The following MEGF11 variants were observed in gnomAD, a reference collection of about 807,000 sequenced individuals.
MEGF11 encodes multiple epidermal growth factor-like domains protein 11.
A neutral mutation model predicts 146.6 loss-of-function variants in MEGF11; 126 were observed. That is an observed-to-expected ratio of 0.86 (90% CI 0.74 to 1.00). The LOEUF (loss-of-function observed/expected upper bound fraction) is 1.00. MEGF11 is among the 50% of genes least tolerant of loss of function. MEGF11 has a pLI of 0.00. For synonymous variants in MEGF11, 532 were observed against 583.4 expected (o/e 0.91, Z 1.27); for missense variants, 1,509 against 1,521.2 (o/e 0.99, Z 0.13).
chr15:65,898,092 G>T lies in MEGF11; in HGVS notation c.3265C>A (p.Pro1089Thr), dbSNP rs369413625. ...TSNKNIYEVE[P>T]TVSVVQEGCG... Reference sequence around the variant, plus strand: ...CCTTCTTGGACCACACTGACTGTGGGCTCTAAGAAATATAGTGAAAAATGA... The same window carrying T: ...CCTTCTTGGACCACACTGACTGTGGTCTCTAAGAAATATAGTGAAAAATGA... The change falls in exon 26 of 26, where the codon CCC becomes ACC. Residue 1089 changes from proline (P) to threonine (T), a missense_variant and splice_region_variant. Pro to Thr is a conservative substitution (Grantham distance 38). Transcript: ENST00000395614. 6.2e-7 allele frequency: 1 copy of T among 1,612,646 alleles called. No homozygotes were observed. The highest frequency in any genetic ancestry group is 2.2e-5 in the East Asian group (1 of 44,860).
chr15:66,050,211 C>G (rs1180169421), intron 5 of MEGF11, among the ~76,000 whole-genome samples: 1 of 152,176 alleles, frequency 6.6e-6, no homozygotes, highest in Admixed American at 6.5e-5. Context: ...AGGTGCACAT[C>G]AGCACACCTG....
chr15:66,243,131 C>T (rs1412153340), intron 1 of MEGF11, among the ~76,000 whole-genome samples: 1 of 152,252 alleles, frequency 6.6e-6, no homozygotes, highest in Non-Finnish European at 1.5e-5. Context: ...CACCGTGGCA[C>T]TCTGGGCAAG....
intron 5 of MEGF11, among the ~76,000 whole-genome samples, chr15:65,990,367 G>A (rs180795763): frequency 5.1e-4 from 78 of 152,180 alleles, no homozygotes; most frequent in African/African-American, 1.8e-3. Flanking sequence ...CCTGGGCAAC[G>A]TGGCAAAACC....
rs548664750 is a variant in MEGF11 at position 65,916,879 on chromosome 15, C to G, written c.2164G>C (p.Asp722His). The change falls in exon 17 of 26, where the codon GAC (aspartate) becomes CAC (histidine). Residue 722 changes from aspartate (D) to histidine (H), a missense_variant. Physicochemically the swap from Asp to His is moderately conservative, Grantham distance 81 (BLOSUM62 -1). Coordinates refer to ENST00000395614, the MANE Select transcript of MEGF11 (RefSeq NM_001385028.1). ...CHNGASCSAEDGACHCTPGWT... is the reference protein window; with the variant it reads ...CHNGASCSAEHGACHCTPGWT... ...CCAGGGGTGCAGTGGCAGGCCCCGT[C>G]CTCGGCGCTGCAGCTCGCCCCGTTG... 12 of 1,589,948 alleles carry G rather than the reference C, an allele frequency of 7.5e-6. No homozygotes were observed. The South Asian group carries it at 1.1e-4, about 15-fold the overall frequency.
chr15:66,111,562 C>A (rs1242109673), intron 4 of MEGF11, among the ~76,000 whole-genome samples: 1 of 152,184 alleles, frequency 6.6e-6, no homozygotes, highest in Admixed American at 6.5e-5. Context: ...ACAGCCACCA[C>A]CCCCCACCCC....
intron 1 of MEGF11, among the ~76,000 whole-genome samples, chr15:66,156,236 A>C (rs556823465): frequency 1.3e-5 from 2 of 152,154 alleles, no homozygotes; most frequent in African/African-American, 4.8e-5. Context: ...TGGCCCAGAC[A>C]CCTGCACTGC....
At chr15:66,135,112 A>G (rs1597114926) in intron 1 of MEGF11, among the ~76,000 whole-genome samples, 1 of 152,234 alleles carries the variant, frequency 6.6e-6, no homozygotes, top group Admixed American at 6.5e-5. Flanking sequence ...GTAAATGAGA[A>G]CGCAGGTAAC....
intron 5 of MEGF11, among the ~76,000 whole-genome samples, chr15:65,991,118 C>G (rs745678272): frequency 3.9e-5 from 6 of 152,206 alleles, no homozygotes; most frequent in Non-Finnish European, 8.8e-5. Flanking sequence ...TACTTAACCA[C>G]ACCGTCTATA....
intron 10 of MEGF11, among the ~76,000 whole-genome samples, chr15:65,934,342 C>T (rs1402675033): frequency 6.6e-6 from 1 of 152,216 alleles, no homozygotes; most frequent in African/African-American, 2.4e-5. Context: ...ACCTCCACCT[C>T]CCGGGTTCAA....
rs28691788 is a variant in MEGF11 at position 65,973,298 on chromosome 15, A to G, written c.763-2609T>C. On this transcript the variant is annotated intron_variant, in intron 7 of 25. Transcript: ENST00000395614. ...TAAAGAGTTCAGACTGGAACAGAAGAGACAGGCTTCTAAGAAACTTGCCTC... is the reference window on the plus strand; with the variant it reads ...TAAAGAGTTCAGACTGGAACAGAAGGGACAGGCTTCTAAGAAACTTGCCTC... Among the ~76,000 whole-genome samples the G allele has an allele frequency of 9.2e-3, 1,405 of 152,296 alleles. 21 individuals are homozygous for G. Among genetic ancestry groups the G allele is most frequent in the African/African-American group, 0.03 (1,259 of 41,546 alleles).
rs368486503 is a variant in MEGF11, at chr15:65,906,116, C to G, written c.3024G>C (p.Gln1008His). The change falls in exon 24 of 26, where the codon CAG becomes CAC. Residue 1008 changes from glutamine to histidine, a missense_variant. Gln to His is a conservative substitution (Grantham distance 24). Transcript: ENST00000395614. ...SPGACGMDRR[Q>H]NTYIMDKGFK... ...AGCCTTTGTCCATAATGTATGTGTT[C>G]TGACGTCTATCCATTCCACAAGCAC... The G allele has an allele frequency of 5.6e-6, 9 of 1,610,874 alleles. No homozygotes were observed. The Admixed American group carries it at 8.4e-5, about 15-fold the overall frequency.
intron 1 of MEGF11, among the ~76,000 whole-genome samples, chr15:66,236,002 A>G (rs1025801994): frequency 2.0e-5 from 3 of 152,222 alleles, no homozygotes; most frequent in South Asian, 4.1e-4. Context: ...TAATAAGCAC[A>G]GAGAGTCAGA....
chr15:66,124,113 C>T lies in MEGF11; in HGVS notation c.99-113G>A, dbSNP rs576078634. 9.9e-5 allele frequency: 82 copies of T among 828,426 alleles called. No homozygotes were observed. In the Admixed American group the frequency reaches 1.1e-3, roughly 11 times the overall value. The allele number at this position is 828,426 out of a possible 1,614,324, so 51.3% of individuals were successfully genotyped here. A position where few individuals can be genotyped will look rare whatever the true frequency, so the allele number is the denominator to read the frequency against. On this transcript the variant is annotated intron_variant, in intron 2 of 25. Transcript: ENST00000395614. The stretch of plus-strand genomic sequence containing the variant: ...AGGCCAAGCTCCACAGCCAAGTGTC[C>T]GGAGGCTCTGACCTCCCCCCTCCCA...
intron 1 of MEGF11, among the ~76,000 whole-genome samples, chr15:66,207,308 G>A (rs2091324465): frequency 6.6e-6 from 1 of 152,198 alleles, no homozygotes; most frequent in Non-Finnish European, 1.5e-5. Context: ...AGCAGCAAAA[G>A]AGAAGCAATT....
intron 1 of MEGF11, among the ~76,000 whole-genome samples, chr15:66,213,418 C>T (rs999253083): frequency 9.9e-5 from 15 of 152,138 alleles, no homozygotes; most frequent in African/African-American, 1.7e-4. Flanking sequence ...TTCTTCCAGA[C>T]GGTAAGGACA....
At chr15:66,211,385 A>G (rs552875488) in intron 1 of MEGF11, among the ~76,000 whole-genome samples, 102 of 152,156 alleles carry the variant, frequency 6.7e-4, no homozygotes, top group Admixed American at 4.6e-4. Context: ...TTAGCCGAGC[A>G]TGGTGGCAGG....
chr15:65,908,927 A>G (rs1333852708), intron 23 of MEGF11, 107 bp downstream of exon 23: 2 of 660,256 alleles, frequency 3.0e-6, no homozygotes, highest in African/African-American at 3.6e-5. Context: ...CTTAAAAGGG[A>G]GAGTTCTGGG....
At chr15:65,924,075 A>G (rs567329602) in intron 13 of MEGF11, among the ~76,000 whole-genome samples, 5 of 152,154 alleles carry the variant, frequency 3.3e-5, no homozygotes, top group African/African-American at 1.2e-4. Context: ...AAGGAGAAAG[A>G]CACTCATGCC....
At chr15:66,084,217 A>G (rs1246477629) in intron 5 of MEGF11, among the ~76,000 whole-genome samples, 2 of 152,190 alleles carry the variant, frequency 1.3e-5, no homozygotes, top group South Asian at 2.1e-4. Flanking sequence ...ACGGTATCTA[A>G]TAAGTGGTTA....
Sources: gnomAD v4.1 joint callset for allele counts (sites outside exome capture counted in the v4.1 genomes callset) on GRCh38, gnomAD v4.1.1 for gene constraint, MANE v1.5 for transcripts, NCBI Gene and HGNC (gene_info 2026-07-23, HGNC 2026-07-21) for gene names.